HAS2: variants seen among roughly 807,000 people sequenced by gnomAD.
HAS2 encodes the protein HA synthase 2.
Under a neutral mutation model 51.6 loss-of-function variants are expected in HAS2, and 16 were observed. The observed-to-expected ratio is 0.31, with a 90% CI of 0.21 to 0.47. The LOEUF (loss-of-function observed/expected upper bound fraction) is 0.47. Among genes scored for constraint, HAS2 ranks in the 20% least tolerant of loss-of-function variants. The pLI, the probability that HAS2 is intolerant of heterozygous loss-of-function variation, is 1.00. For synonymous variants in HAS2, 228 were observed against 235.5 expected (o/e 0.97, Z 0.29); for missense variants, 361 against 662.6 (o/e 0.54, Z 5.00).
intron 2 of HAS2, among the ~76,000 whole-genome samples, chr8:121,621,194 T>C (rs771002542): frequency 6.6e-6 from 1 of 152,190 alleles, no homozygotes; most frequent in Non-Finnish European, 1.5e-5. Flanking sequence ...GAAGTTGAGA[T>C]TAAATATGTT....
intron 1 of HAS2, among the ~76,000 whole-genome samples, chr8:121,632,593 A>T (rs1398882038): frequency 6.6e-6 from 1 of 152,176 alleles, no homozygotes; most frequent in Admixed American, 6.5e-5. Flanking sequence ...CTATACTATA[A>T]TGTATATCAT....
intron 1 of HAS2, 23 bp from the exon 2 acceptor site, chr8:121,629,363 T>G (rs755821425): frequency 6.3e-7 from 1 of 1,577,988 alleles, no homozygotes; most frequent in East Asian, 2.2e-5. Flanking sequence ...CAGATGATAC[T>G]CTTGGTTAAC....
intron 2 of HAS2, among the ~76,000 whole-genome samples, chr8:121,621,544 A>T (rs1812773982): frequency 6.6e-6 from 1 of 152,140 alleles, no homozygotes; most frequent in Non-Finnish European, 1.5e-5. Flanking sequence ...GTAAACCCAC[A>T]CCTAAAGGAT....
At chr8:121,622,929 TTAA>T (rs1812792212) in intron 2 of HAS2, among the ~76,000 whole-genome samples, 2 of 151,884 alleles carry the variant, frequency 1.3e-5, no homozygotes, top group South Asian at 4.1e-4. Flanking sequence ...CTTTTTGAAA[TTAA>T]TGAGTAAAAC....
chr8:121,625,633 C>G (rs144027193), intron 2 of HAS2, among the ~76,000 whole-genome samples: 3 of 150,466 alleles, frequency 2.0e-5, no homozygotes, highest in Non-Finnish European at 4.4e-5. Context: ...CTCAGCCTTC[C>G]GAGTAGCTGG....
At chr8:121,629,413 G>T in intron 1 of HAS2, 73 bp from the exon 2 acceptor site, 1 of 1,167,274 alleles carries the variant, frequency 8.6e-7, no homozygotes. Flanking sequence ...AGTATCATGG[G>T]GAGAGTATTG....
Position 121,613,393 on chromosome 8 carries a change from T to A in HAS2, c.*716A>T, listed in dbSNP as rs182410438. 6.5e-6 allele frequency: 1 copy of A among 152,688 alleles called. No individual in the cohort carries two copies. Among genetic ancestry groups the A allele is most frequent in the East Asian group, 1.9e-4 (1 of 5,182 alleles). 9.5% of individuals were successfully genotyped at this position (152,688 alleles called of 1,614,324 possible). ...TCTTTCACAGAAATAAACTATTCAA[T>A]TTTAAAAGGTAGAGAGAGAGAAACA... On this transcript the variant is annotated 3_prime_UTR_variant, in exon 4 of 4. Coordinates refer to ENST00000303924, the MANE Select transcript of HAS2 (RefSeq NM_005328.3).
At chr8:121,630,719 T>C (rs1277917312) in intron 1 of HAS2, among the ~76,000 whole-genome samples, 1 of 152,246 alleles carries the variant, frequency 6.6e-6, no homozygotes, top group African/African-American at 2.4e-5. Flanking sequence ...AGCAATTACC[T>C]TTGCAAAATC....
chr8:121,617,805 A>G (rs7836697), intron 2 of HAS2, among the ~76,000 whole-genome samples: 5,214 of 152,242 alleles, frequency 0.034, 329 homozygotes, highest in African/African-American at 0.12. Flanking sequence ...TAAAGATTGT[A>G]TAGTTCTAAA....
chr8:121,618,238 T>G (rs568732813), intron 2 of HAS2, among the ~76,000 whole-genome samples: 1 of 152,262 alleles, frequency 6.6e-6, no homozygotes, highest in Admixed American at 6.5e-5. Flanking sequence ...AAAGCTGATA[T>G]GGAGAATAGG....
intron 1 of HAS2, chr8:121,639,425 A>G (rs1487688921): frequency 6.5e-6 from 1 of 152,718 alleles, no homozygotes; most frequent in Non-Finnish European, 1.5e-5. Context: ...GGGCTTCTAC[A>G]CGTTCCCTCC....
rs1194654813 is a variant in HAS2 at position 121,613,044 on chromosome 8, G to C, written c.*1065C>G. 6.6e-6 allele frequency: 1 copy of C among 151,670 alleles called. No individual in the cohort carries two copies. Among genetic ancestry groups the C allele is most frequent in the Non-Finnish European group, 1.5e-5 (1 of 67,956 alleles). 9.4% of individuals were successfully genotyped at this position (151,670 alleles called of 1,614,324 possible). On this transcript the variant is annotated 3_prime_UTR_variant, in exon 4 of 4. Transcript: ENST00000303924. ...AAACCTTTGATAAACTGCATTGTAT[G>C]TGTCCAAAATTATACAGATAATTTC...
chr8:121,621,557 T>C (rs1812774170), intron 2 of HAS2, among the ~76,000 whole-genome samples: 1 of 152,200 alleles, frequency 6.6e-6, no homozygotes, highest in Admixed American at 6.5e-5. Flanking sequence ...TAAAGGATTA[T>C]GTCAATTATC....
intron 1 of HAS2, among the ~76,000 whole-genome samples, chr8:121,631,176 T>C (rs958813778): frequency 6.6e-6 from 1 of 152,188 alleles, no homozygotes. Flanking sequence ...GATTGCCATA[T>C]GAAAGGGAGC....
chr8:121,616,522 C>T (rs558993108), intron 3 of HAS2, among the ~76,000 whole-genome samples: 7 of 151,636 alleles, frequency 4.6e-5, no homozygotes, highest in Non-Finnish European at 8.8e-5. Flanking sequence ...TTGCAACCTC[C>T]ACCTCCCAGG....
chr8:121,633,911 G>GT (rs547991757), intron 1 of HAS2, among the ~76,000 whole-genome samples: 36,347 of 140,702 alleles, frequency 0.26, 4,612 homozygotes, highest in Middle Eastern at 0.35. Context: ...TGTTTTTTTG[G>GT]GTTTTTTTTT....
chr8:121,620,187 C>A (rs1046858906), intron 2 of HAS2, among the ~76,000 whole-genome samples: 4 of 152,098 alleles, frequency 2.6e-5, no homozygotes, highest in Non-Finnish European at 5.9e-5. Flanking sequence ...TGATAGAATG[C>A]CAGCTAGAAA....
At chr8:121,629,651 C>CCTAA (rs1812902554) in intron 1 of HAS2, among the ~76,000 whole-genome samples, 1 of 152,100 alleles carries the variant, frequency 6.6e-6, no homozygotes, top group Non-Finnish European at 1.5e-5. Flanking sequence ...ATATCACTTG[C>CCTAA]CTAAGGCTGT....
chr8:121,636,760 A>G (rs1038041052), intron 1 of HAS2, among the ~76,000 whole-genome samples: 9 of 152,198 alleles, frequency 5.9e-5, no homozygotes, highest in Non-Finnish European at 1.2e-4. Flanking sequence ...TGGGAATTAT[A>G]TCTATAGGTC....
Sources: allele counts gnomAD v4.1 joint callset (sites outside exome capture counted in the v4.1 genomes callset), GRCh38; gene constraint gnomAD v4.1.1; transcripts MANE v1.5; gene names NCBI Gene and HGNC (gene_info 2026-07-23, HGNC 2026-07-21).